The following CAMK1D variants were observed in gnomAD, a reference collection of about 807,000 sequenced individuals.
The protein encoded by CAMK1D is calcium/calmodulin dependent protein kinase ID.
In CAMK1D, 9 loss-of-function variants were observed where a neutral mutation model predicts 47.7. The ratio of observed to expected loss-of-function variants is 0.19; its 90% CI spans 0.11 to 0.33. The LOEUF is 0.33. Ranked by LOEUF, CAMK1D falls within the 10% of genes least tolerant of loss-of-function variation. The probability of loss-of-function intolerance (pLI) is 1.00; values close to 1 mark genes in which losing one functional copy is unlikely to be tolerated. For synonymous variants in CAMK1D, 184 were observed against 184.9 expected, an observed-to-expected ratio of 0.99 and a Z score of 0.04; for missense variants, 291 against 488.7, an observed-to-expected ratio of 0.60 and a Z score of 3.81.
intron 4 of CAMK1D, among the ~76,000 whole-genome samples, chr10:12,762,104 A>C (rs1836539048): frequency 6.6e-6 from 1 of 152,190 alleles, no homozygotes; most frequent in Non-Finnish European, 1.5e-5. Flanking sequence ...TACCAAAGGT[A>C]GGTATCAGAC....
intron 1 of CAMK1D, among the ~76,000 whole-genome samples, chr10:12,532,522 G>A (rs892959873): frequency 3.0e-4 from 46 of 152,136 alleles, no homozygotes; most frequent in Non-Finnish European, 4.9e-4. Flanking sequence ...CTCGTGATCC[G>A]TCCGCCTCGG....
Position 12,833,452 on chromosome 10 carries a change from T to C in CAMK1D, c.*4565T>C, listed in dbSNP as rs562831398. ...ACAGAAAGGAAAGATGATATCCCAG[T>C]GCAGGTAGACTTTATTTTTGAAAGC... is the stretch of plus-strand genomic sequence containing the variant. On this transcript the variant is annotated 3_prime_UTR_variant, in exon 11 of 11. Transcript: ENST00000619168. 5.2e-5 allele frequency: 8 copies of C among 152,404 alleles called. No homozygotes were observed. Among genetic ancestry groups the C allele is most frequent in the Admixed American group, 2.0e-4 (3 of 15,302 alleles). The allele number at this position is 152,404 out of a possible 1,614,324, so 9.4% of individuals were successfully genotyped here.
chr10:12,687,181 G>A (rs1475232422), intron 3 of CAMK1D, among the ~76,000 whole-genome samples: 1 of 151,846 alleles, frequency 6.6e-6, no homozygotes, highest in South Asian at 2.1e-4. Context: ...TTCGTACTGA[G>A]CCCTTAATGA....
chr10:12,782,580 A>C (rs949991577), intron 5 of CAMK1D, among the ~76,000 whole-genome samples: 2 of 152,190 alleles, frequency 1.3e-5, no homozygotes, highest in Non-Finnish European at 2.9e-5. Context: ...AGTGTCGCAA[A>C]CTGTTAGAAA....
At chr10:12,436,582 C>G (rs975734608) in intron 1 of CAMK1D, among the ~76,000 whole-genome samples, 1 of 152,250 alleles carries the variant, frequency 6.6e-6, no homozygotes. Context: ...AGAGGTTCCC[C>G]TACCTGGTGG....
At chr10:12,558,502 C>T (rs141840990) in intron 2 of CAMK1D, among the ~76,000 whole-genome samples, 270 of 151,810 alleles carry the variant, frequency 1.8e-3, no homozygotes, top group African/African-American at 6.4e-3. Context: ...TACAGTGAAC[C>T]GAGATCGTGC....
chr10:12,477,165 C>T (rs1209089996), intron 1 of CAMK1D, among the ~76,000 whole-genome samples: 1 of 152,106 alleles, frequency 6.6e-6, no homozygotes, highest in Admixed American at 6.6e-5. Flanking sequence ...CCTGTAATCC[C>T]AGCACTTTGG....
At chr10:12,691,396 TA>T (rs55970313) in intron 3 of CAMK1D, among the ~76,000 whole-genome samples, 12 of 7,278 alleles carry the variant, frequency 1.6e-3, no homozygotes, top group Non-Finnish European at 2.1e-3. Flanking sequence ...TATATATATA[TA>T]TATATAAATA....
rs377107677 is a variant in CAMK1D at position 12,600,949 on chromosome 10, A to G, written c.224+47593A>G. Reference sequence around the variant, plus strand: ...ACTTCCACCCACCCATGTTGCTGCAAACGACATGACTTCATTCTTTTTTAT... The same window carrying G: ...ACTTCCACCCACCCATGTTGCTGCAGACGACATGACTTCATTCTTTTTTAT... On this transcript the variant is annotated intron_variant, in intron 2 of 10. Transcript: ENST00000619168. Among the ~76,000 whole-genome samples, 13 of 152,324 alleles carry G rather than the reference A, an allele frequency of 8.5e-5. 1 individual carries two copies. The East Asian group carries it at 1.5e-3, about 18-fold the overall frequency.
intron 1 of CAMK1D, among the ~76,000 whole-genome samples, chr10:12,476,422 C>A (rs1833904772): frequency 6.6e-6 from 1 of 151,968 alleles, no homozygotes; most frequent in Admixed American, 6.6e-5. Context: ...TTTTAGGGCA[C>A]CCCAGAACAG....
intron 2 of CAMK1D, among the ~76,000 whole-genome samples, chr10:12,607,051 C>G (rs1435823086): frequency 6.6e-6 from 1 of 152,168 alleles, no homozygotes; most frequent in Non-Finnish European, 1.5e-5. Context: ...TGGTCTCAAT[C>G]TCTTGACCTC....
intron 1 of CAMK1D, among the ~76,000 whole-genome samples, chr10:12,548,916 C>T (rs973380124): frequency 3.3e-5 from 5 of 151,818 alleles, no homozygotes; most frequent in Admixed American, 6.6e-5. Context: ...AGTGCATAGG[C>T]GCGATCTCAG....
intron 1 of CAMK1D, among the ~76,000 whole-genome samples, chr10:12,449,726 C>T (rs769707809): frequency 1.3e-4 from 20 of 152,232 alleles, no homozygotes; most frequent in Middle Eastern, 3.4e-3. Context: ...ACATGTTGGC[C>T]GGGCGTGGTG....
chr10:12,555,491 G>T (rs2815627), intron 2 of CAMK1D, among the ~76,000 whole-genome samples: 51,894 of 152,172 alleles, frequency 0.34, 8,842 homozygotes, highest in Middle Eastern at 0.47. Context: ...GTTGTCCTGA[G>T]GAGGATTGCA....
At position 12,385,662 on chromosome 10, in the gene CAMK1D, A is replaced by G. The variant is rs896132476; in HGVS notation, c.92+35752A>G. Among the ~76,000 whole-genome samples, 83 of 152,288 alleles carry G rather than the reference A, an allele frequency of 5.5e-4. 1 individual carries two copies. Among genetic ancestry groups the G allele is most frequent in the Middle Eastern group, 3.4e-3 (1 of 294 alleles). On this transcript the variant is annotated intron_variant, in intron 1 of 10. Transcript: ENST00000619168. ...AAGGTACAGTGTTTCTTGGGGAGAA[A>G]AGATGAAAATGTTCTAAAATTGATT...
At chr10:12,734,371 TATATATAG>T (rs1433265734) in intron 3 of CAMK1D, among the ~76,000 whole-genome samples, 3 of 9,280 alleles carry the variant, frequency 3.2e-4, no homozygotes, top group African/African-American at 8.4e-4. Context: ...TATATATATA[TATATATAG>T]ATATAGATAT....
At chr10:12,436,683 A>G (rs1465865223) in intron 1 of CAMK1D, among the ~76,000 whole-genome samples, 1 of 152,166 alleles carries the variant, frequency 6.6e-6, no homozygotes, top group African/African-American at 2.4e-5. Context: ...GCAAAGCCCC[A>G]TGGGGGCATC....
intron 1 of CAMK1D, among the ~76,000 whole-genome samples, chr10:12,513,726 G>C (rs1835106583): frequency 6.6e-6 from 1 of 152,100 alleles, no homozygotes; most frequent in South Asian, 2.1e-4. Context: ...ACTTGAGCCC[G>C]GGAGGTGGAG....
intron 1 of CAMK1D, among the ~76,000 whole-genome samples, chr10:12,391,075 G>A (rs1838708204): frequency 6.6e-6 from 1 of 152,118 alleles, no homozygotes; most frequent in Non-Finnish European, 1.5e-5. Context: ...GTCTTCTCTC[G>A]TGAATGAGGA....
Sources: allele counts gnomAD v4.1 joint callset (sites outside exome capture counted in the v4.1 genomes callset), GRCh38; gene constraint gnomAD v4.1.1; transcripts MANE v1.5; gene names NCBI Gene and HGNC (gene_info 2026-07-23, HGNC 2026-07-21).